The following SMO variants were observed in gnomAD, a reference collection of about 807,000 sequenced individuals.
SMO encodes protein smoothened.
A neutral mutation model predicts 81.6 loss-of-function variants in SMO; 40 were observed. The ratio of observed to expected loss-of-function variants is 0.49; its 90% confidence interval spans 0.38 to 0.64. The LOEUF is 0.64. SMO is among the 30% of genes least tolerant of loss of function. The probability of loss-of-function intolerance (pLI) is 0.00; values close to 1 mark genes in which losing one functional copy is unlikely to be tolerated. For missense variants in SMO, 916 were observed against 1,061.1 expected, an observed-to-expected ratio of 0.86 and a Z score of 1.90; for synonymous variants, 434 against 432.1, an observed-to-expected ratio of 1.00 and a Z score of -0.05.
At position 129,206,919 on chromosome 7, in the gene SMO, A is replaced by G. The variant is rs551240735; in HGVS notation, c.1264+332A>G. 3.5e-4 allele frequency among the ~76,000 whole-genome samples: 54 copies of G among 152,278 alleles called. No homozygotes were observed. The highest frequency in any genetic ancestry group is 3.4e-3 in the Middle Eastern group (1 of 294). ...GAGTGCAGTGGCACAATCTTGGCTC[A>G]CTGCAACCTTCGCCTCCTGGGTTCA... On this transcript the variant is annotated intron_variant, in intron 6 of 11. Transcript: ENST00000249373. The surrounding 1 kb of genome is among the most constrained non-coding windows in gnomAD (Gnocchi z 4.4).
chr7:129,208,866 G>T lies in SMO; in HGVS notation c.1357+15G>T, dbSNP rs761847550. On this transcript the variant is annotated intron_variant, in intron 7 of 11. Transcript: ENST00000249373. The surrounding 1 kb of genome is among the most constrained non-coding windows in gnomAD (Gnocchi z 5.2). ...GCTGCGCCTGGGTGAGTGGCCCCGG[G>T]GGACTTCGGTCTGAGGTCCTGGCCA... is the stretch of plus-strand genomic sequence containing the variant. 1.3e-6 allele frequency: 2 copies of T among 1,598,528 alleles called. No individual in the cohort carries two copies. The highest frequency in any genetic ancestry group is 2.2e-5 in the East Asian group (1 of 44,788).
intron 1 of SMO, among the ~76,000 whole-genome samples, chr7:129,193,939 TAA>T (rs1192113738): frequency 7.4e-6 from 1 of 134,898 alleles, no homozygotes; most frequent in African/African-American, 2.7e-5. Context: ...ACCCCATCTC[TAA>T]AAAAAAAAAT....
chr7:129,191,750 T>C (rs1398012499), intron 1 of SMO, among the ~76,000 whole-genome samples: 2 of 152,176 alleles, frequency 1.3e-5, no homozygotes, highest in Non-Finnish European at 2.9e-5. Context: ...GTGATCTAGG[T>C]TGTCTTCATC....
At chr7:129,199,996 C>T (rs1793644254) in intron 1 of SMO, among the ~76,000 whole-genome samples, 1 of 152,154 alleles carries the variant, frequency 6.6e-6, no homozygotes, top group Non-Finnish European at 1.5e-5. Flanking sequence ...ATTGAAAATA[C>T]ATTTTTTCAG....
At position 129,210,321 on chromosome 7, in the gene SMO, A is replaced by G; in HGVS notation, c.1467-42A>G. 6.5e-7 allele frequency: 1 copy of G among 1,535,456 alleles called. No individual in the cohort carries two copies. The highest frequency in any genetic ancestry group is 9.0e-7 in the Non-Finnish European group (1 of 1,110,134). On this transcript the variant is annotated intron_variant, in intron 8 of 11. Transcript: ENST00000249373. This position sits in a 1 kb window ranked among gnomAD's most constrained non-coding sequence, Gnocchi z 4.7. ...TCCTATCTCAAAAAAAGAGAGAGGA[A>G]AAGAAAGGAAAGCCTCACCTGTCTA...
chr7:129,203,372 T>G lies in SMO; in HGVS notation c.332-12T>G, dbSNP rs2150646419. On this transcript the variant is annotated splice_polypyrimidine_tract_variant and intron_variant, in intron 1 of 11. Transcript: ENST00000249373. ...GGAGGGGCCTTCACTGCAATGCTGT[T>G]GCCACCCCCAGGCCTCCGGAATGCC... 6.5e-7 allele frequency: 1 copy of G among 1,547,314 alleles called. No homozygotes were observed. Among genetic ancestry groups the G allele is most frequent in the South Asian group, 1.2e-5 (1 of 83,768 alleles).
rs772769239 is a variant in SMO at position 129,212,366 on chromosome 7, A to G, written c.2279A>G (p.His760Arg). 2.5e-6 allele frequency: 4 copies of G among 1,613,936 alleles called. No homozygotes were observed. The highest frequency in any genetic ancestry group is 1.7e-5 in the Admixed American group (1 of 60,012). Residue 760 changes from histidine to arginine, a missense_variant, in exon 12 of 12, where the codon CAT becomes CGT. His to Arg is a conservative substitution (Grantham distance 29, BLOSUM62 0). Transcript: ENST00000249373. This position sits in a 1 kb window ranked among gnomAD's most constrained non-coding sequence, Gnocchi z 5.0. ...GCACCGGCCCCCGTGGCATGGGCTCATGGCCGCCGACAGGGCCTGGGGCCT... is the reference window on the plus strand; with the variant it reads ...GCACCGGCCCCCGTGGCATGGGCTCGTGGCCGCCGACAGGGCCTGGGGCCT... Reference protein sequence around the residue: ...PSAPAPVAWAHGRRQGLGPIH... With the variant: ...PSAPAPVAWARGRRQGLGPIH...
rs777204354 is a variant in SMO at position 129,210,431 on chromosome 7, G to T, written c.1535G>T (p.Arg512Leu). ...ATCCCTGACTGTGAGATCAAGAATC[G>T]CCCGAGCCTTCTGGTGGAGAAGATC... ...QPIPDCEIKNRPSLLVEKINL... is the reference protein window; with the variant it reads ...QPIPDCEIKNLPSLLVEKINL... Residue 512 changes from arginine (R) to leucine (L), a missense_variant, in exon 9 of 12, where the codon CGC (arginine) becomes CTC (leucine). By Grantham distance (102) the Arg-to-Leu change is moderately radical (BLOSUM62 -2). Transcript: ENST00000249373. This position sits in a 1 kb window ranked among gnomAD's most constrained non-coding sequence, Gnocchi z 4.7. 1.2e-6 allele frequency: 2 copies of T among 1,614,126 alleles called. No individual in the cohort carries two copies. Among genetic ancestry groups the T allele is most frequent in the South Asian group, 2.2e-5 (2 of 91,082 alleles).
chr7:129,196,501 A>G (rs1473994077), intron 1 of SMO, among the ~76,000 whole-genome samples: 1 of 151,994 alleles, frequency 6.6e-6, no homozygotes, highest in Non-Finnish European at 1.5e-5. Flanking sequence ...GATTGCATTG[A>G]CTATATAGAT....
At chr7:129,199,434 G>A (rs1056464783) in intron 1 of SMO, among the ~76,000 whole-genome samples, 23 of 151,876 alleles carry the variant, frequency 1.5e-4, no homozygotes, top group African/African-American at 5.1e-4. Flanking sequence ...CACCTGCCTC[G>A]GCCTCCCAAA....
At position 129,212,739 on chromosome 7, in the gene SMO, G is replaced by A; in HGVS notation, c.*288G>A. 2.1e-6 allele frequency: 1 copy of A among 480,294 alleles called. No individual in the cohort carries two copies. Among genetic ancestry groups the A allele is most frequent in the Non-Finnish European group, 3.7e-6 (1 of 269,324 alleles). The allele number at this position is 480,294 out of a possible 1,614,324, so 29.8% of individuals were successfully genotyped here. Reference sequence around the variant, plus strand: ...GGCAGCATCTGCTCCATCGGGGCAGGGGGTATGCAGAGCTTGTGGTGGGGC... The same window carrying A: ...GGCAGCATCTGCTCCATCGGGGCAGAGGGTATGCAGAGCTTGTGGTGGGGC... On this transcript the variant is annotated 3_prime_UTR_variant, in exon 12 of 12. Coordinates refer to ENST00000249373, the MANE Select transcript of SMO (RefSeq NM_005631.5). The surrounding 1 kb of genome is among the most constrained non-coding windows in gnomAD (Gnocchi z 5.0).
rs1793847248 is a variant in SMO, at chr7:129,210,261, CGCCACCGCACTCTA to C, written c.1467-98_1467-85del. 1.0e-6 allele frequency: 1 copy of C among 956,194 alleles called. No homozygotes were observed. Among genetic ancestry groups the C allele is most frequent in the Admixed American group, 2.1e-5 (1 of 48,672 alleles). The allele number at this position is 956,194 out of a possible 1,614,324, so 59.2% of individuals were successfully genotyped here. A position where few individuals can be genotyped will look rare whatever the true frequency, so the allele number is the denominator to read the frequency against. Reference sequence around the variant, plus strand: ...TGGAAGCTGCAGTGGGTTGTGATCACGCCACCGCACTCTAGCCTGGGTGACAGAGCAAGATCCTA... The same window carrying C: ...TGGAAGCTGCAGTGGGTTGTGATCACGCCTGGGTGACAGAGCAAGATCCTA... On this transcript the variant is annotated intron_variant, in intron 8 of 11. Transcript: ENST00000249373. The surrounding 1 kb of genome is among the most constrained non-coding windows in gnomAD (Gnocchi z 4.7).
Position 129,208,836 on chromosome 7 carries a change from A to G in SMO, c.1342A>G (p.Thr448Ala). The G allele has an allele frequency of 6.2e-7, 1 of 1,613,644 alleles. No individual in the cohort carries two copies. The highest frequency in any genetic ancestry group is 8.5e-7 in the Non-Finnish European group (1 of 1,179,734). The change falls in exon 7 of 12, where the codon ACC becomes GCC. Residue 448 changes from threonine (T) to alanine (A), a missense_variant. By Grantham distance (58) the Thr-to-Ala change is moderately conservative. Coordinates refer to ENST00000249373, the MANE Select transcript of SMO (RefSeq NM_005631.5). This position sits in a 1 kb window ranked among gnomAD's most constrained non-coding sequence, Gnocchi z 5.2. ...GAAGGCTGCCAGCAAGATCAACGAG[A>G]CCATGCTGCGCCTGGGTGAGTGGCC... is the stretch of plus-strand genomic sequence containing the variant. ...SEKAASKINE[T>A]MLRLGIFGFL...
chr7:129,190,603 T>C (rs1260840782), intron 1 of SMO, among the ~76,000 whole-genome samples: 1 of 152,252 alleles, frequency 6.6e-6, no homozygotes, highest in African/African-American at 2.4e-5. Context: ...GTAGGCCGCC[T>C]GTCATTGACA....
intron 7 of SMO, 104 bp from the exon 8 acceptor site, chr7:129,209,185 C>A: frequency 1.4e-6 from 1 of 711,574 alleles, no homozygotes; most frequent in East Asian, 2.5e-5. Flanking sequence ...CACCCCAGCC[C>A]CAGCTGGGTG....
Position 129,206,390 on chromosome 7 carries a change from G to A in SMO, c.1140+21G>A, listed in dbSNP as rs376448169. On this transcript the variant is annotated intron_variant, in intron 5 of 11. Coordinates refer to ENST00000249373, the MANE Select transcript of SMO (RefSeq NM_005631.5). The surrounding 1 kb of genome is among the most constrained non-coding windows in gnomAD (Gnocchi z 4.4). ...CGCAGGTATAGTGACTGGTAGGAACGGGAGACCTGGATGGGGTGAGTTTGA... is the reference window on the plus strand; with the variant it reads ...CGCAGGTATAGTGACTGGTAGGAACAGGAGACCTGGATGGGGTGAGTTTGA... 7.6e-5 allele frequency: 122 copies of A among 1,613,916 alleles called. No homozygotes were observed. In the South Asian group the frequency reaches 1.0e-3, roughly 13 times the overall value.
intron 1 of SMO, among the ~76,000 whole-genome samples, chr7:129,198,962 A>AT (rs1793623552): frequency 6.6e-6 from 1 of 152,188 alleles, no homozygotes; most frequent in African/African-American, 2.4e-5. Flanking sequence ...ATTGATGGAT[A>AT]TGGATTCAAG....
Position 129,205,783 on chromosome 7 carries a change from G to A in SMO, c.920+1G>A, listed in dbSNP as rs747256384. The A allele has an allele frequency of 1.9e-6, 3 of 1,602,792 alleles. No individual in the cohort carries two copies. Among genetic ancestry groups the A allele is most frequent in the Non-Finnish European group, 2.5e-6 (3 of 1,178,154 alleles). On this transcript the variant is annotated splice_donor_variant, in intron 4 of 11. Coordinates refer to ENST00000249373, the MANE Select transcript of SMO (RefSeq NM_005631.5). LOFTEE classifies it high-confidence loss of function. ...GCACCATGAGGCTTGGGGAGCCCAC[G>A]TAGGTGTCTTGGGGACCCAGAGGTG...
chr7:129,196,703 C>G (rs1793585172), intron 1 of SMO, among the ~76,000 whole-genome samples: 1 of 151,960 alleles, frequency 6.6e-6, no homozygotes, highest in African/African-American at 2.4e-5. Flanking sequence ...ATTTATTTCA[C>G]TTTGTTTGTT....
Sources: allele counts gnomAD v4.1 joint callset (sites outside exome capture counted in the v4.1 genomes callset), GRCh38; gene constraint gnomAD v4.1.1; non-coding constraint Gnocchi (gnomAD v3.1); transcripts MANE v1.5; gene names NCBI Gene and HGNC (gene_info 2026-07-23, HGNC 2026-07-21).